The following SSH3 variants were observed in gnomAD, a reference collection of about 807,000 sequenced individuals.
The protein encoded by SSH3 is slingshot protein phosphatase 3.
Under a neutral mutation model 75.0 loss-of-function variants are expected in SSH3, and 67 were observed. The ratio of observed to expected loss-of-function variants is 0.89; its 90% CI spans 0.73 to 1.10. The LOEUF is 1.10. Among genes scored for constraint, SSH3 ranks in the 50% least tolerant of loss-of-function variants. SSH3 has a pLI of 0.00. For missense variants in SSH3, 824 were observed against 872.7 expected (o/e 0.94, Z 0.70); for synonymous variants, 318 against 349.2 (o/e 0.91, Z 1.00).
At chr11:67,309,570 C>T in intron 11 of SSH3, 27 bp downstream of exon 11, 1 of 1,610,454 alleles carries the variant, frequency 6.2e-7, no homozygotes, top group Non-Finnish European at 8.5e-7. Context: ...TGCTGCCTGC[C>T]CCACTGTGGC....
At chr11:67,311,153 G>A (rs1861398759) in intron 13 of SSH3, among the ~76,000 whole-genome samples, 2 of 152,190 alleles carry the variant, frequency 1.3e-5, no homozygotes, top group Admixed American at 6.5e-5. Flanking sequence ...TGATGGGCGG[G>A]TGTGGGCGTT....
At chr11:67,304,459 G>A (rs1196638845) in intron 2 of SSH3, among the ~76,000 whole-genome samples, 2 of 152,192 alleles carry the variant, frequency 1.3e-5, no homozygotes, top group Non-Finnish European at 2.9e-5. Context: ...CTGGGTCCCC[G>A]ACCATGTTCC....
chr11:67,309,781 C>G lies in SSH3; in HGVS notation c.1222C>G (p.His408Asp), dbSNP rs149176266. 2 of 1,613,122 alleles carry G rather than the reference C, an allele frequency of 1.2e-6. No individual in the cohort carries two copies. Among genetic ancestry groups the G allele is most frequent in the Non-Finnish European group, 1.7e-6 (2 of 1,180,034 alleles). The stretch of plus-strand genomic sequence containing the variant: ...CTGCTTCCACAGAGCACAGGGCACC[C>G]ACGTGCTGGTCCACTGCAAGATGGG... Reference protein sequence around the residue: ...FIEAARAQGTHVLVHCKMGVS... With the variant: ...FIEAARAQGTDVLVHCKMGVS... The change falls in exon 12 of 14, where the codon CAC (histidine) becomes GAC (aspartate). Residue 408 changes from histidine to aspartate, a missense_variant. His to Asp is a moderately conservative substitution (Grantham distance 81). Coordinates refer to ENST00000308127, the MANE Select transcript of SSH3 (RefSeq NM_017857.4).
chr11:67,308,460 T>C lies in SSH3; in HGVS notation c.1061+2T>C, dbSNP rs1481836872. The C allele has an allele frequency of 3.8e-6, 6 of 1,588,372 alleles. No homozygotes were observed. Among genetic ancestry groups the C allele is most frequent in the African/African-American group, 1.3e-5 (1 of 74,118 alleles). On this transcript the variant is annotated splice_donor_variant, in intron 10 of 13. Transcript: ENST00000308127. LOFTEE classifies it high-confidence loss of function. The surrounding 1 kb of genome is among the most constrained non-coding windows in gnomAD (Gnocchi z 4.9). ...CCTGGAGGAGCTGCAGAGGAACAGG[T>C]AGGGCTATGAGCCCCTCGGGCCACC... is the stretch of plus-strand genomic sequence containing the variant.
intron 1 of SSH3, 94 bp from the exon 2 acceptor site, chr11:67,304,024 C>T (rs1426907715): frequency 6.8e-7 from 1 of 1,464,422 alleles, no homozygotes; most frequent in Non-Finnish European, 9.2e-7. Context: ...CATCTGGCGC[C>T]TTTTCTGGCC....
rs756966194 is a variant in SSH3, at chr11:67,311,786, G to T, written c.1879G>T (p.Gly627Trp). Reference protein sequence around the residue: ...QAFQEQEQGQGQGQGEPCISS... With the variant: ...QAFQEQEQGQWQGQGEPCISS... ...CTTCCAGGAGCAGGAGCAGGGGCAG[G>T]GGCAGGGGCAGGGAGAGCCCTGCAT... The change falls in exon 14 of 14, where the codon GGG becomes TGG. Residue 627 changes from glycine to tryptophan, a missense_variant. Coordinates refer to ENST00000308127, the MANE Select transcript of SSH3 (RefSeq NM_017857.4). 4.3e-6 allele frequency: 7 copies of T among 1,613,580 alleles called. No homozygotes were observed. The Admixed American group carries it at 1.2e-4, about 27-fold the overall frequency.
At chr11:67,305,828 C>T (rs752884485) in intron 3 of SSH3, among the ~76,000 whole-genome samples, 80 of 152,288 alleles carry the variant, frequency 5.3e-4, no homozygotes, top group Middle Eastern at 3.4e-3. Flanking sequence ...AGCTCGCCGT[C>T]CTCAGCAAGA....
rs1198314577 is a variant in SSH3, at chr11:67,308,156, C to T, written c.886-18C>T. Reference sequence around the variant, plus strand: ...CTAGGAGAGCCCCAGCCTCTCTTGCCCTGGGCTCTGCCTGCAGATCCGCCA... The same window carrying T: ...CTAGGAGAGCCCCAGCCTCTCTTGCTCTGGGCTCTGCCTGCAGATCCGCCA... On this transcript the variant is annotated intron_variant, in intron 8 of 13. Coordinates refer to ENST00000308127, the MANE Select transcript of SSH3 (RefSeq NM_017857.4). This position sits in a 1 kb window ranked among gnomAD's most constrained non-coding sequence, Gnocchi z 4.9. The T allele has an allele frequency of 6.2e-7, 1 of 1,610,306 alleles. No homozygotes were observed. The highest frequency in any genetic ancestry group is 1.7e-5 in the Admixed American group (1 of 59,772).
At position 67,312,499 on chromosome 11, in the gene SSH3, GTCT is replaced by G. The variant is rs1208118897; in HGVS notation, c.*617_*619del. The G allele has an allele frequency of 1.3e-5, 2 of 153,998 alleles. No homozygotes were observed. The highest frequency in any genetic ancestry group is 4.8e-5 in the African/African-American group (2 of 41,470). 9.5% of individuals were successfully genotyped at this position (153,998 alleles called of 1,614,324 possible). A position where few individuals can be genotyped will look rare whatever the true frequency, so the allele number is the denominator to read the frequency against. ...ATCACAGGGCACCAGGCCAGAGATA[GTCT>G]TCTTTTTGTCCTTTCTGGCCTCTGG... On this transcript the variant is annotated 3_prime_UTR_variant, in exon 14 of 14. Coordinates refer to ENST00000308127, the MANE Select transcript of SSH3 (RefSeq NM_017857.4).
rs1421863629 is a variant in SSH3, at chr11:67,309,472, C to T, written c.1137C>T (p.Arg379=). The T allele has an allele frequency of 2.5e-6, 4 of 1,614,050 alleles. No homozygotes were observed. Among genetic ancestry groups the T allele is most frequent in the Non-Finnish European group, 3.4e-6 (4 of 1,180,040 alleles). The stretch of plus-strand genomic sequence containing the variant: ...AGCGCTTCACCTACCACAATGTGCG[C>T]CTCTGGGATGAGGAGTCGGCCCAGC... ...YPERFTYHNV[R]LWDEESAQLL... is the part of the protein sequence containing the mutation. The change falls in exon 11 of 14, where the codon CGC becomes CGT. Residue 379 remains arginine (R), a synonymous_variant. Transcript: ENST00000308127.
At chr11:67,305,570 G>T (rs1861218598) in intron 3 of SSH3, among the ~76,000 whole-genome samples, 1 of 152,286 alleles carries the variant, frequency 6.6e-6, no homozygotes, top group Admixed American at 6.5e-5. Flanking sequence ...TCCTGTGTGA[G>T]CCAATAGGGC....
chr11:67,308,005 CCCTCCCCA>C lies in SSH3; in HGVS notation c.885+70_885+77del. 1 of 1,604,380 alleles carries C rather than the reference CCCTCCCCA, an allele frequency of 6.2e-7. No homozygotes were observed. The highest frequency in any genetic ancestry group is 8.5e-7 in the Non-Finnish European group (1 of 1,174,406). ...GCTGCAAGCTTGCCTTTCCTGGGAG[CCCTCCCCA>C]CCTTGCCTGTCTCCAGTCCTGAGCC... On this transcript the variant is annotated intron_variant, in intron 8 of 13. Coordinates refer to ENST00000308127, the MANE Select transcript of SSH3 (RefSeq NM_017857.4). This position sits in a 1 kb window ranked among gnomAD's most constrained non-coding sequence, Gnocchi z 4.9.
intron 13 of SSH3, 139 bp from the exon 14 acceptor site, chr11:67,311,452 C>A: frequency 9.0e-7 from 1 of 1,110,618 alleles, no homozygotes; most frequent in South Asian, 1.4e-5. Flanking sequence ...TTTTGGCGTG[C>A]GTGCCACAAA....
At chr11:67,309,720 G>C (rs1861356966) in intron 11 of SSH3, 48 bp from the exon 12 acceptor site, 2 of 1,604,996 alleles carry the variant, frequency 1.2e-6, no homozygotes, top group African/African-American at 1.3e-5. Context: ...CAGGAGGCGG[G>C]ATCCTTCATG....
chr11:67,311,502 C>T, intron 13 of SSH3, 89 bp from the exon 14 acceptor site: 1 of 1,532,404 alleles, frequency 6.5e-7, no homozygotes, highest in Non-Finnish European at 8.9e-7. Context: ...GTGCTTGGCA[C>T]CCCTGCCCCA....
chr11:67,307,360 G>A lies in SSH3; in HGVS notation c.537-11G>A. On this transcript the variant is annotated splice_polypyrimidine_tract_variant and intron_variant, in intron 5 of 13. Transcript: ENST00000308127. This position sits in a 1 kb window ranked among gnomAD's most constrained non-coding sequence, Gnocchi z 4.2. ...TGGAGTCTGGCCTCACCTGTGCCTG[G>A]TCTCCTGCAGGGGCTTCAGCGTGAC... The A allele has an allele frequency of 6.2e-7, 1 of 1,613,690 alleles. No individual in the cohort carries two copies. Among genetic ancestry groups the A allele is most frequent in the Non-Finnish European group, 8.5e-7 (1 of 1,179,968 alleles).
Position 67,308,413 on chromosome 11 carries a change from G to T in SSH3, c.1016G>T (p.Gly339Val), listed in dbSNP as rs760308325. Residue 339 changes from glycine to valine, a missense_variant and splice_region_variant, in exon 10 of 14, where the codon GGC (glycine) becomes GTC (valine). Coordinates refer to ENST00000308127, the MANE Select transcript of SSH3 (RefSeq NM_017857.4). The surrounding 1 kb of genome is among the most constrained non-coding windows in gnomAD (Gnocchi z 4.9). Reference protein sequence around the residue: ...ASRIFPHLYLGSEWNAANLEE... With the variant: ...ASRIFPHLYLVSEWNAANLEE... Reference sequence around the variant, plus strand: ...AATGTGCTGTTCCCTCTCTCCCAGGGCTCAGAGTGGAACGCAGCAAACCTG... The same window carrying T: ...AATGTGCTGTTCCCTCTCTCCCAGGTCTCAGAGTGGAACGCAGCAAACCTG... 1 of 1,612,082 alleles carries T rather than the reference G, an allele frequency of 6.2e-7. No homozygotes were observed. Among genetic ancestry groups the T allele is most frequent in the Non-Finnish European group, 8.5e-7 (1 of 1,179,098 alleles).
At chr11:67,311,476 G>A (rs1861414004) in intron 13 of SSH3, 115 bp from the exon 14 acceptor site, 15 of 1,347,444 alleles carry the variant, frequency 1.1e-5, no homozygotes, top group South Asian at 3.7e-5. Context: ...TCCGGCCCTC[G>A]CCTCCTCCTG....
intron 11 of SSH3, 21 bp from the exon 12 acceptor site, chr11:67,309,747 G>A: frequency 1.2e-6 from 2 of 1,611,316 alleles, no homozygotes; most frequent in Non-Finnish European, 8.5e-7. Flanking sequence ...GGAGGGTGCT[G>A]AACCTGGCCT....
Sources: gnomAD v4.1 joint callset for allele counts (sites outside exome capture counted in the v4.1 genomes callset) on GRCh38, gnomAD v4.1.1 for gene constraint, Gnocchi (gnomAD v3.1) non-coding constraint, MANE v1.5 for transcripts, NCBI Gene and HGNC (gene_info 2026-07-23, HGNC 2026-07-21) for gene names.